Variants in TMEM266 observed in about 807,000 individuals in gnomAD.
TMEM266 encodes the protein transmembrane protein 266, also known as Hv1 related protein 1.
A neutral mutation model predicts 50.5 loss-of-function variants in TMEM266; 33 were observed. The ratio of observed to expected loss-of-function variants is 0.65; its 90% CI spans 0.50 to 0.87. TMEM266 has a LOEUF of 0.87. TMEM266 is among the 40% of genes least tolerant of loss of function. TMEM266 has a pLI of 0.00. For missense variants in TMEM266, 655 were observed against 695.1 expected, an observed-to-expected ratio of 0.94 and a Z score of 0.65; for synonymous variants, 310 against 292.3, an observed-to-expected ratio of 1.06 and a Z score of -0.62.
At chr15:76,135,873 T>C (rs28630934) in intron 2 of TMEM266, among the ~76,000 whole-genome samples, 5 of 151,994 alleles carry the variant, frequency 3.3e-5, no homozygotes, top group Admixed American at 6.6e-5. Flanking sequence ...TCCTTAGTTA[T>C]CGGATAATCC....
At chr15:76,189,493 T>G (rs560871210) in intron 8 of TMEM266, among the ~76,000 whole-genome samples, 1 of 152,116 alleles carries the variant, frequency 6.6e-6, no homozygotes, top group African/African-American at 2.4e-5. Context: ...AAGTGGCAAC[T>G]GATTGAACAG....
chr15:76,138,312 G>C (rs2037625178), intron 3 of TMEM266, among the ~76,000 whole-genome samples: 1 of 151,178 alleles, frequency 6.6e-6, no homozygotes, highest in Non-Finnish European at 1.5e-5. Context: ...ATGCTAACTA[G>C]TGAGACAGCA....
intron 1 of TMEM266, among the ~76,000 whole-genome samples, chr15:76,123,057 G>A (rs2037367574): frequency 6.6e-6 from 1 of 152,150 alleles, no homozygotes; most frequent in Non-Finnish European, 1.5e-5. Flanking sequence ...AAGTGAAAAA[G>A]AGCAAACAAT....
chr15:76,095,213 C>T (rs946512002), intron 1 of TMEM266, among the ~76,000 whole-genome samples: 1 of 151,998 alleles, frequency 6.6e-6, no homozygotes, highest in Non-Finnish European at 1.5e-5. Context: ...GGAATGCTTC[C>T]AGTTTTTGCC....
chr15:76,144,981 A>T (rs143507041), intron 3 of TMEM266, among the ~76,000 whole-genome samples: 4 of 152,260 alleles, frequency 2.6e-5, no homozygotes, highest in South Asian at 4.1e-4. Flanking sequence ...CACCATTCTC[A>T]TGAAGGATTG....
chr15:76,204,117 C>A lies in TMEM266; in HGVS notation c.1398C>A (p.Pro466=). The change falls in exon 11 of 11, where the codon CCC becomes CCA. Residue 466 remains proline (P), a synonymous_variant. Coordinates refer to ENST00000388942, the MANE Select transcript of TMEM266 (RefSeq NM_152335.3). ...TGGACCCAGCCCCCCTCGCCCGGCCCAGCCCAGCGGGCTCGGCCCAAACCA... is the reference window on the plus strand; with the variant it reads ...TGGACCCAGCCCCCCTCGCCCGGCCAAGCCCAGCGGGCTCGGCCCAAACCA... 1 of 1,612,998 alleles carries A rather than the reference C, an allele frequency of 6.2e-7. No homozygotes were observed. Among genetic ancestry groups the A allele is most frequent in the Non-Finnish European group, 8.5e-7 (1 of 1,179,606 alleles).
chr15:76,125,553 T>TA (rs1041502881), intron 1 of TMEM266, among the ~76,000 whole-genome samples: 7 of 149,990 alleles, frequency 4.7e-5, no homozygotes, highest in African/African-American at 4.9e-5. Context: ...ATAGCCCTGT[T>TA]AAAAAAAAAT....
chr15:76,173,989 T>C (rs774331437), intron 7 of TMEM266, among the ~76,000 whole-genome samples: 1 of 151,304 alleles, frequency 6.6e-6, no homozygotes, highest in Non-Finnish European at 1.5e-5. Flanking sequence ...AAGACAGATA[T>C]GGCCTTGACT....
At chr15:76,166,160 G>A (rs1035751216) in intron 5 of TMEM266, among the ~76,000 whole-genome samples, 45 of 152,146 alleles carry the variant, frequency 3.0e-4, no homozygotes, top group African/African-American at 1.0e-3. Context: ...GCGGGGCAGG[G>A]CAGTGAGGTT....
In TMEM266 at chr15:76,161,847, C is replaced by T. The variant is rs749500457; in HGVS notation, c.456+1679C>T. Among the ~76,000 whole-genome samples the T allele has an allele frequency of 1.3e-5, 2 of 152,226 alleles. No individual in the cohort carries two copies. Among genetic ancestry groups the T allele is most frequent in the East Asian group, 1.9e-4 (1 of 5,196 alleles). On this transcript the variant is annotated intron_variant, in intron 5 of 10. Transcript: ENST00000388942. The surrounding 1 kb of genome is among the most constrained non-coding windows in gnomAD (Gnocchi z 4.1). ...GATTCCCTCCCGCAAACACATGGGC[C>T]GTGGCCAGATGTCTCCTTGATGCAA...
At chr15:76,173,033 G>GAGAC (rs2038210262) in intron 7 of TMEM266, among the ~76,000 whole-genome samples, 1 of 152,184 alleles carries the variant, frequency 6.6e-6, no homozygotes, top group South Asian at 2.1e-4. Context: ...CCTCAGGAGA[G>GAGAC]AGACGTGCTG....
chr15:76,069,354 C>G (rs1012597181), intron 1 of TMEM266, among the ~76,000 whole-genome samples: 4 of 152,114 alleles, frequency 2.6e-5, no homozygotes, highest in African/African-American at 9.7e-5. Flanking sequence ...GATGAACCAC[C>G]TCAAAGCGAG....
intron 10 of TMEM266, among the ~76,000 whole-genome samples, chr15:76,202,585 CAT>C (rs930015319): frequency 1.4e-4 from 21 of 152,118 alleles, no homozygotes; most frequent in African/African-American, 1.7e-4. Context: ...CACCTGCACA[CAT>C]GTCAAGGTGG....
intron 3 of TMEM266, among the ~76,000 whole-genome samples, chr15:76,144,640 C>T (rs2037731166): frequency 6.6e-6 from 1 of 152,228 alleles, no homozygotes; most frequent in Non-Finnish European, 1.5e-5. Context: ...ACACCCAGGT[C>T]ACCAGTTCAA....
At chr15:76,065,176 T>C (rs148860671) in intron 1 of TMEM266, among the ~76,000 whole-genome samples, 19 of 152,256 alleles carry the variant, frequency 1.2e-4, no homozygotes, top group African/African-American at 4.6e-4. Context: ...AAGAAAAAGT[T>C]CCATTGTTTT....
At chr15:76,176,022 G>A in intron 8 of TMEM266, 1 of 209,804 alleles carries the variant, frequency 4.8e-6, no homozygotes, top group Middle Eastern at 1.8e-3. Context: ...CGCTAATTCT[G>A]TCTGCTGAGG....
intron 3 of TMEM266, among the ~76,000 whole-genome samples, chr15:76,156,185 A>AC (rs1186939416): frequency 1.3e-5 from 2 of 152,024 alleles, no homozygotes; most frequent in Non-Finnish European, 2.9e-5. Flanking sequence ...ACATGATGAA[A>AC]CCCCATCTCT....
intron 1 of TMEM266, among the ~76,000 whole-genome samples, chr15:76,076,351 C>T (rs1453168033): frequency 5.9e-5 from 9 of 152,016 alleles, no homozygotes; most frequent in Admixed American, 5.9e-4. Flanking sequence ...AATAAATTAA[C>T]CCAATATAAA....
In TMEM266 at chr15:76,136,577, G is replaced by A. The variant is rs546767512; in HGVS notation, c.39-1130G>A. Among the ~76,000 whole-genome samples the A allele has an allele frequency of 5.3e-5, 8 of 152,204 alleles. No individual in the cohort carries two copies. In the South Asian group the frequency reaches 1.2e-3, roughly 24 times the overall value. On this transcript the variant is annotated intron_variant, in intron 2 of 10. Coordinates refer to ENST00000388942, the MANE Select transcript of TMEM266 (RefSeq NM_152335.3). ...ATTACCCTGGGCACTGACCCTCAAT[G>A]TTCCCTCCAATATTTAAATTTTACT...
Sources: gnomAD v4.1 joint callset for allele counts (sites outside exome capture counted in the v4.1 genomes callset) on GRCh38, gnomAD v4.1.1 for gene constraint, Gnocchi (gnomAD v3.1) non-coding constraint, MANE v1.5 for transcripts, NCBI Gene and HGNC (gene_info 2026-07-23, HGNC 2026-07-21) for gene names.